ELFN1: variants seen among roughly 807,000 people sequenced by gnomAD.
ELFN1 encodes the protein protein ELFN1.
A neutral mutation model predicts 7.6 loss-of-function variants in ELFN1; 6 were observed. The ratio of observed to expected loss-of-function variants is 0.79; its 90% CI spans 0.43 to 1.56. The LOEUF (loss-of-function observed/expected upper bound fraction) is 1.56. Among genes scored for constraint, ELFN1 ranks in the 40% most tolerant of loss-of-function variants. ELFN1 has a pLI of 0.01. For missense variants in ELFN1, 1,169 were observed against 1,232.2 expected (o/e 0.95, Z 0.77); for synonymous variants, 657 against 588.1 (o/e 1.12, Z -1.70).
rs1778815433 is a variant in ELFN1, at chr7:1,673,868, C to T, written c.-549+3514C>T. 6.6e-6 allele frequency among the ~76,000 whole-genome samples: 1 copy of T among 152,246 alleles called. No homozygotes were observed. The highest frequency in any genetic ancestry group is 2.4e-5 in the African/African-American group (1 of 41,468). On this transcript the variant is annotated intron_variant, in intron 1 of 3. Coordinates refer to ENST00000424383, the MANE Select transcript of ELFN1 (RefSeq NM_001128636.4). The surrounding 1 kb of genome is among the most constrained non-coding windows in gnomAD (Gnocchi z 4.7). ...CTGTGGCTGGACCAGGCCTCCACACCTGTAGAGCTGTCCTGGGGCAGCTGG... is the reference window on the plus strand; with the variant it reads ...CTGTGGCTGGACCAGGCCTCCACACTTGTAGAGCTGTCCTGGGGCAGCTGG...
intron 1 of ELFN1, among the ~76,000 whole-genome samples, chr7:1,675,906 T>G (rs1778861324): frequency 6.6e-6 from 1 of 152,306 alleles, no homozygotes; most frequent in African/African-American, 2.4e-5. Flanking sequence ...CACTGCCATC[T>G]CGACCTCCAC....
intron 3 of ELFN1, among the ~76,000 whole-genome samples, chr7:1,716,807 G>A (rs1422460341): frequency 1.3e-5 from 2 of 152,208 alleles, no homozygotes; most frequent in African/African-American, 4.8e-5. Context: ...AGGGCCTGGG[G>A]AGGAGGCCAG....
chr7:1,727,120 T>C (rs1459374169), intron 3 of ELFN1, among the ~76,000 whole-genome samples: 1 of 152,160 alleles, frequency 6.6e-6, no homozygotes, highest in Non-Finnish European at 1.5e-5. Context: ...TCCGTCCATC[T>C]TGGTTCCTTC....
At chr7:1,701,195 C>A (rs1943044672) in intron 2 of ELFN1, among the ~76,000 whole-genome samples, 1 of 151,858 alleles carries the variant, frequency 6.6e-6, no homozygotes, top group African/African-American at 2.4e-5. Context: ...CGTGTGTGTG[C>A]ATATTTTAGA....
intron 2 of ELFN1, among the ~76,000 whole-genome samples, chr7:1,699,980 G>A (rs1779392279): frequency 1.3e-5 from 2 of 152,218 alleles, no homozygotes; most frequent in African/African-American, 2.4e-5. Context: ...GATTACAGGC[G>A]TGAGCCCCCG....
intron 2 of ELFN1, among the ~76,000 whole-genome samples, chr7:1,707,426 C>G (rs562967430): frequency 6.6e-6 from 1 of 152,318 alleles, no homozygotes; most frequent in East Asian, 1.9e-4. Context: ...TTGCGGGAGG[C>G]TGGTGGGCAA....
At chr7:1,700,309 G>A (rs1040378537) in intron 2 of ELFN1, among the ~76,000 whole-genome samples, 3 of 152,244 alleles carry the variant, frequency 2.0e-5, no homozygotes, top group Admixed American at 6.5e-5. Context: ...GGGTGAAGAC[G>A]TAGAATGCTG....
At chr7:1,675,467 C>T (rs1312612987) in intron 1 of ELFN1, among the ~76,000 whole-genome samples, 1 of 152,252 alleles carries the variant, frequency 6.6e-6, no homozygotes, top group African/African-American at 2.4e-5. Flanking sequence ...GGAGGCTCCC[C>T]CGTGTTTACC....
chr7:1,730,632 G>A (rs1478744007), intron 3 of ELFN1, among the ~76,000 whole-genome samples: 2 of 152,168 alleles, frequency 1.3e-5, no homozygotes. Context: ...TGCCAATTTC[G>A]GATTTTAAAG....
intron 1 of ELFN1, among the ~76,000 whole-genome samples, chr7:1,675,830 G>A (rs1429422089): frequency 3.9e-5 from 6 of 152,218 alleles, no homozygotes; most frequent in African/African-American, 1.4e-4. Context: ...AAGGTGTCCC[G>A]GAGATACCCA....
At chr7:1,669,106 G>A (rs1778713686), upstream of ELFN1, among the ~76,000 whole-genome samples, 1 of 152,252 alleles carries the variant, frequency 6.6e-6, no homozygotes, top group Non-Finnish European at 1.5e-5. Flanking sequence ...TAGGACCCGG[G>A]CGTGTCAGGC....
At chr7:1,708,205 G>A (rs992375331) in intron 2 of ELFN1, among the ~76,000 whole-genome samples, 6 of 152,228 alleles carry the variant, frequency 3.9e-5, no homozygotes, top group Admixed American at 2.0e-4. Context: ...CTGGCAGGAC[G>A]ACTTCCCTTC....
chr7:1,736,165 G>T (rs992254186), intron 3 of ELFN1, among the ~76,000 whole-genome samples: 3 of 152,204 alleles, frequency 2.0e-5, no homozygotes, highest in African/African-American at 7.2e-5. Context: ...CAGGGCGAGA[G>T]CCAAGCTGCA....
chr7:1,678,766 G>A (rs1224040651), intron 1 of ELFN1, among the ~76,000 whole-genome samples: 1 of 152,216 alleles, frequency 6.6e-6, no homozygotes, highest in African/African-American at 2.4e-5. Flanking sequence ...CCACGTGGGT[G>A]CCAGAGCATC....
intron 2 of ELFN1, chr7:1,693,015 T>C: frequency 3.6e-6 from 1 of 275,796 alleles, no homozygotes; most frequent in Non-Finnish European, 7.3e-6. Context: ...AGCCTCAGTT[T>C]TGTTGTCTGT....
chr7:1,673,067 A>T lies in ELFN1; in HGVS notation c.-549+2713A>T, dbSNP rs1276417709. ...TGGCACCGCCGCGGACATTGGATAC[A>T]TTTGTCATCTCTCCAGCGCCCCCCC... On this transcript the variant is annotated intron_variant, in intron 1 of 3. Transcript: ENST00000424383. This position sits in a 1 kb window ranked among gnomAD's most constrained non-coding sequence, Gnocchi z 4.7. Among the ~76,000 whole-genome samples, 2 of 146,880 alleles carry T rather than the reference A, an allele frequency of 1.4e-5. No individual in the cohort carries two copies. Among genetic ancestry groups the T allele is most frequent in the African/African-American group, 2.6e-5 (1 of 38,460 alleles).
intron 3 of ELFN1, among the ~76,000 whole-genome samples, chr7:1,718,100 T>C (rs1027162552): frequency 6.6e-6 from 1 of 152,178 alleles, no homozygotes; most frequent in Non-Finnish European, 1.5e-5. Context: ...AAGTGGCTGC[T>C]CCCGCTCCCA....
At chr7:1,715,036 G>A (rs1238396777) in intron 3 of ELFN1, among the ~76,000 whole-genome samples, 2 of 152,284 alleles carry the variant, frequency 1.3e-5, no homozygotes, top group East Asian at 3.9e-4. Context: ...GGGAAGTGGG[G>A]TAGAGGTGAA....
intron 3 of ELFN1, among the ~76,000 whole-genome samples, chr7:1,723,586 G>C (rs1238597528): frequency 6.6e-6 from 1 of 152,210 alleles, no homozygotes; most frequent in East Asian, 1.9e-4. Flanking sequence ...TGTCTGCCCT[G>C]TCACCATTAT....
Sources: allele counts gnomAD v4.1 joint callset (sites outside exome capture counted in the v4.1 genomes callset), GRCh38; gene constraint gnomAD v4.1.1; non-coding constraint Gnocchi (gnomAD v3.1); transcripts MANE v1.5; gene names NCBI Gene and HGNC (gene_info 2026-07-23, HGNC 2026-07-21).